Variants in FHIT observed in about 807,000 individuals in gnomAD.
FHIT encodes bis(5'-adenosyl)-triphosphatase.
FHIT carries 19 observed loss-of-function variants against 17.9 expected under a neutral mutation model. That is an observed-to-expected ratio of 1.06 (90% CI 0.74 to 1.56). The LOEUF is 1.56. Among genes scored for constraint, FHIT ranks in the 40% most tolerant of loss-of-function variants. The pLI is 0.00. For synonymous variants in FHIT, 81 were observed against 69.7 expected (o/e 1.16, Z -0.81); for missense variants, 248 against 189.2 (o/e 1.31, Z -1.82).
chr3:60,473,822 C>T (rs1034020093), intron 5 of FHIT, among the ~76,000 whole-genome samples: 1 of 151,964 alleles, frequency 6.6e-6, no homozygotes, highest in Non-Finnish European at 1.5e-5. Context: ...ACTCAGGAGG[C>T]CGAGGCAGGA....
intron 3 of FHIT, among the ~76,000 whole-genome samples, chr3:60,981,997 G>A (rs1710517414): frequency 6.6e-6 from 1 of 152,104 alleles, no homozygotes; most frequent in South Asian, 2.1e-4. Context: ...TACCCTGTTG[G>A]TTGCTTATTA....
chr3:60,027,121 A>C (rs917321755), intron 5 of FHIT, among the ~76,000 whole-genome samples: 1 of 129,270 alleles, frequency 7.7e-6, no homozygotes, highest in African/African-American at 3.3e-5. Flanking sequence ...ACACACACAC[A>C]CACACACACA....
At chr3:60,060,185 TA>T (rs113982258) in intron 5 of FHIT, among the ~76,000 whole-genome samples, 4,939 of 147,202 alleles carry the variant, frequency 0.034, 248 homozygotes, top group African/African-American at 0.11. Context: ...TAATTGGTGT[TA>T]AAAAAAAAAA....
chr3:60,162,430 T>C (rs895003190), intron 5 of FHIT, among the ~76,000 whole-genome samples: 3 of 152,186 alleles, frequency 2.0e-5, no homozygotes, highest in African/African-American at 7.2e-5. Context: ...TCTGGATTAC[T>C]TTATTGACTC....
At chr3:60,540,985 T>C (rs2036168414) in intron 4 of FHIT, among the ~76,000 whole-genome samples, 1 of 152,156 alleles carries the variant, frequency 6.6e-6, no homozygotes, top group Non-Finnish European at 1.5e-5. Flanking sequence ...CCAGACCTAC[T>C]GAACCAGAAA....
Position 60,231,098 on chromosome 3 carries a change from G to A in FHIT, c.104-216946C>T, listed in dbSNP as rs924193300. On this transcript the variant is annotated intron_variant, in intron 5 of 9. Transcript: ENST00000492590. ...AATCTTATGAGGTTTGGTCAAATAC[G>A]CCAATAAAGCTCCTCTGCCATCTTG... is the stretch of plus-strand genomic sequence containing the variant. 4.2e-4 allele frequency among the ~76,000 whole-genome samples: 64 copies of A among 152,154 alleles called. 1 individual carries two copies. Among genetic ancestry groups the A allele is most frequent in the African/African-American group, 1.5e-3 (62 of 41,458 alleles).
intron 5 of FHIT, among the ~76,000 whole-genome samples, chr3:60,214,196 C>T (rs77205883): frequency 0.012 from 1,880 of 152,082 alleles, 32 homozygotes; most frequent in African/African-American, 0.044. Flanking sequence ...AATTGTACTG[C>T]CAAACTAAAA....
chr3:60,095,857 C>A (rs1703926239), intron 5 of FHIT, among the ~76,000 whole-genome samples: 1 of 152,190 alleles, frequency 6.6e-6, no homozygotes, highest in Non-Finnish European at 1.5e-5. Context: ...TTGACTTGGT[C>A]CAGAATATTA....
At chr3:60,285,494 G>T (rs758064123) in intron 5 of FHIT, among the ~76,000 whole-genome samples, 1 of 152,118 alleles carries the variant, frequency 6.6e-6, no homozygotes, top group East Asian at 1.9e-4. Context: ...CATAAAGCCT[G>T]TGATGGATTT....
At chr3:59,959,535 A>T (rs1707565859) in intron 7 of FHIT, among the ~76,000 whole-genome samples, 1 of 152,210 alleles carries the variant, frequency 6.6e-6, no homozygotes, top group South Asian at 2.1e-4. Context: ...AAGAGATCTC[A>T]TGACAGGAAA....
At chr3:60,367,484 C>T (rs1165425871) in intron 5 of FHIT, among the ~76,000 whole-genome samples, 4 of 152,180 alleles carry the variant, frequency 2.6e-5, no homozygotes, top group Non-Finnish European at 5.9e-5. Flanking sequence ...AACTCTTACT[C>T]AAAAACGAGG....
intron 2 of FHIT, among the ~76,000 whole-genome samples, chr3:61,149,233 C>A (rs2037314650): frequency 6.6e-6 from 1 of 152,088 alleles, no homozygotes; most frequent in East Asian, 1.9e-4. Context: ...TCCATGACAT[C>A]TACCCCATGC....
intron 2 of FHIT, among the ~76,000 whole-genome samples, chr3:61,059,698 CA>C (rs1344989396): frequency 2.0e-5 from 3 of 152,220 alleles, no homozygotes; most frequent in African/African-American, 7.2e-5. Context: ...ATCAGGCCAT[CA>C]AGGGCAGGGA....
chr3:60,570,571 T>C (rs1452758384), intron 4 of FHIT, among the ~76,000 whole-genome samples: 1 of 151,974 alleles, frequency 6.6e-6, no homozygotes, highest in Non-Finnish European at 1.5e-5. Flanking sequence ...TGCCACCCCT[T>C]TGTGAAATCT....
intron 5 of FHIT, among the ~76,000 whole-genome samples, chr3:60,428,826 A>G (rs1219221168): frequency 6.6e-6 from 1 of 152,104 alleles, no homozygotes; most frequent in Non-Finnish European, 1.5e-5. Flanking sequence ...CTTACGGGAG[A>G]GAGGCAGATA....
intron 2 of FHIT, among the ~76,000 whole-genome samples, chr3:61,109,380 A>G (rs530981429): frequency 2.0e-5 from 3 of 152,316 alleles, no homozygotes; most frequent in African/African-American, 4.8e-5. Flanking sequence ...GGCCTGTCCA[A>G]TGGAACATGG....
chr3:61,239,087 C>T (rs143921299), intron 1 of FHIT, among the ~76,000 whole-genome samples: 113 of 152,152 alleles, frequency 7.4e-4, no homozygotes, highest in African/African-American at 2.5e-3. Flanking sequence ...GACTGTAACT[C>T]ATGTTCTGGC....
At chr3:59,881,625 A>G (rs945657075) in intron 8 of FHIT, among the ~76,000 whole-genome samples, 2 of 152,198 alleles carry the variant, frequency 1.3e-5, no homozygotes, top group Non-Finnish European at 2.9e-5. Flanking sequence ...AGTGTAAAAA[A>G]CTGGCTCTAT....
At chr3:59,889,635 G>A (rs1019781935) in intron 8 of FHIT, among the ~76,000 whole-genome samples, 1 of 152,206 alleles carries the variant, frequency 6.6e-6, no homozygotes, top group Non-Finnish European at 1.5e-5. Flanking sequence ...CTACAACGTG[G>A]TTGGAATGCT....
Sources: allele counts gnomAD v4.1 joint callset (sites outside exome capture counted in the v4.1 genomes callset), GRCh38; gene constraint gnomAD v4.1.1; transcripts MANE v1.5; gene names NCBI Gene and HGNC (gene_info 2026-07-23, HGNC 2026-07-21).